Variants in SMARCB1 observed in about 807,000 individuals in gnomAD.
The protein encoded by SMARCB1 is SWI/SNF-related matrix-associated actin-dependent regulator of chromatin subfamily B member 1.
A neutral mutation model predicts 49.0 loss-of-function variants in SMARCB1; 5 were observed. The ratio of observed to expected loss-of-function variants is 0.10; its 90% CI spans 0.05 to 0.21. SMARCB1 has a LOEUF of 0.21. Ranked by LOEUF, SMARCB1 falls within the 10% of genes least tolerant of loss-of-function variation. The pLI is 1.00. For synonymous variants in SMARCB1, 201 were observed against 200.1 expected (o/e 1.00, Z -0.04); for missense variants, 226 against 509.2 (o/e 0.44, Z 5.35).
In SMARCB1 at chr22:23,833,750, T is replaced by A. The variant is rs2030799919; in HGVS notation, c.1118+47T>A. The A allele has an allele frequency of 3.1e-6, 5 of 1,610,342 alleles. No individual in the cohort carries two copies. In the African/African-American group the frequency reaches 6.7e-5, roughly 22 times the overall value. ...TGGGCTCTGCCCACAGGCACCTGGC[T>A]TTCCAGGCAGAGGCAGGGCCATTGC... On this transcript the variant is annotated intron_variant, in intron 8 of 8. Transcript: ENST00000644036.
intron 1 of SMARCB1, among the ~76,000 whole-genome samples, chr22:23,790,904 C>T (rs948956467): frequency 2.6e-5 from 4 of 151,850 alleles, no homozygotes; most frequent in Non-Finnish European, 5.9e-5. Flanking sequence ...TACTATGTTG[C>T]GTAGATAAAA....
At chr22:23,803,899 C>G (rs1230543379) in intron 5 of SMARCB1, 3 of 238,700 alleles carry the variant, frequency 1.3e-5, no homozygotes, top group African/African-American at 6.6e-5. Flanking sequence ...TCTTCCTGGG[C>G]TTCCAAAGCC....
chr22:23,825,704 C>T, intron 7 of SMARCB1: 1 of 485,484 alleles, frequency 2.1e-6, no homozygotes, highest in East Asian at 3.6e-5. Context: ...CTGCCCCCAC[C>T]ATCCACCATT....
intron 7 of SMARCB1, among the ~76,000 whole-genome samples, chr22:23,827,535 A>G (rs577619173): frequency 1.3e-5 from 2 of 152,324 alleles, no homozygotes; most frequent in East Asian, 3.9e-4. Flanking sequence ...TTCCAGTTGC[A>G]GGGCCTGGGG....
intron 8 of SMARCB1, 130 bp downstream of exon 8, chr22:23,833,833 G>A: frequency 9.3e-7 from 1 of 1,080,774 alleles, no homozygotes; most frequent in Non-Finnish European, 1.4e-6. Flanking sequence ...CTAGAGGCAG[G>A]CAGGCTTCTG....
At position 23,835,269 on chromosome 22, in the gene SMARCB1, A is replaced by G. The variant is rs557579045; in HGVS notation, c.*1089A>G. On this transcript the variant is annotated 3_prime_UTR_variant, in exon 9 of 9. Coordinates refer to ENST00000644036, the MANE Select transcript of SMARCB1 (RefSeq NM_003073.5). Reference sequence around the variant, plus strand: ...CCCCATTCTTCAGAATGGACACAGGATCTGGGAGGGCAGCAAACTGGCTCG... The same window carrying G: ...CCCCATTCTTCAGAATGGACACAGGGTCTGGGAGGGCAGCAAACTGGCTCG... 3.0e-4 allele frequency: 330 copies of G among 1,095,750 alleles called. 1 individual carries two copies. In the African/African-American group the frequency reaches 5.1e-3, roughly 17 times the overall value. The allele number at this position is 1,095,750 out of a possible 1,614,324, so 67.9% of individuals were successfully genotyped here.
intron 5 of SMARCB1, among the ~76,000 whole-genome samples, chr22:23,811,036 C>CAAA (rs56238275): frequency 7.6e-6 from 1 of 131,576 alleles, no homozygotes; most frequent in Admixed American, 7.4e-5. Flanking sequence ...GACTGTGTCT[C>CAAA]AAAAAAAAAA....
At position 23,834,402 on chromosome 22, in the gene SMARCB1, T is replaced by G. The variant is rs2030866072; in HGVS notation, c.*222T>G. ...ACCCTCCCTACCCCTCCCCAGTCTC[T>G]GGGGTCAGGAAGAAACCTTATTTTA... is the stretch of plus-strand genomic sequence containing the variant. On this transcript the variant is annotated 3_prime_UTR_variant, in exon 9 of 9. Transcript: ENST00000644036. 2.4e-5 allele frequency: 16 copies of G among 661,274 alleles called. No individual in the cohort carries two copies. The highest frequency in any genetic ancestry group is 1.7e-4 in the South Asian group (11 of 65,458). The allele number at this position is 661,274 out of a possible 1,614,324, so 41.0% of individuals were successfully genotyped here.
chr22:23,824,922 A>C, intron 6 of SMARCB1: 1 of 498,478 alleles, frequency 2.0e-6, no homozygotes, highest in Non-Finnish European at 3.7e-6. Flanking sequence ...GAAGGTCCCC[A>C]CCAGCACAGG....
At chr22:23,793,781 CTTTTTTTTT>C (rs11413092) in intron 3 of SMARCB1, 93 bp downstream of exon 3, 4 of 776,598 alleles carry the variant, frequency 5.2e-6, no homozygotes, top group Non-Finnish European at 8.1e-6. Flanking sequence ...AATTGAAACA[CTTTTTTTTT>C]TTTTTTTTGA....
rs1291281325 is a variant in SMARCB1, at chr22:23,800,961, G to A, written c.380G>A (p.Arg127Lys). Residue 127 changes from arginine (R) to lysine (K), a missense_variant, in exon 4 of 9, where the codon AGG (arginine) becomes AAG (lysine). Physicochemically the swap from Arg to Lys is conservative, Grantham distance 26. Transcript: ENST00000644036. Reference protein sequence around the residue: ...PTYLREQKAKRNSQWVPTLPN... With the variant: ...PTYLREQKAKKNSQWVPTLPN... ...CTCCTCAGGGAACAGAAGGCCAAGA[G>A]GAACAGCCAGTGGGTACCCACCCTG... The A allele has an allele frequency of 6.2e-7, 1 of 1,613,870 alleles. No homozygotes were observed. Among genetic ancestry groups the A allele is most frequent in the Non-Finnish European group, 8.5e-7 (1 of 1,179,862 alleles).
Position 23,837,711 on chromosome 22 carries a change from C to A in SMARCB1, c.*3531C>A. 6.2e-7 allele frequency: 1 copy of A among 1,613,962 alleles called. No individual in the cohort carries two copies. The highest frequency in any genetic ancestry group is 8.5e-7 in the Non-Finnish European group (1 of 1,179,992). ...CCAGCAGCAGCGAGAAGCCCATGAG[C>A]GCCCAAGGCAGGAACGGTGCCTGGA... On this transcript the variant is annotated 3_prime_UTR_variant, in exon 9 of 9. Transcript: ENST00000644036.
intron 1 of SMARCB1, among the ~76,000 whole-genome samples, chr22:23,787,467 C>T (rs920068032): frequency 6.6e-6 from 1 of 152,050 alleles, no homozygotes; most frequent in African/African-American, 2.4e-5. Context: ...ACTTATTTCG[C>T]CGAGGTCCGC....
At chr22:23,811,294 A>G (rs1385298479) in intron 5 of SMARCB1, among the ~76,000 whole-genome samples, 1 of 152,246 alleles carries the variant, frequency 6.6e-6, no homozygotes, top group Non-Finnish European at 1.5e-5. Flanking sequence ...AAACAAATTC[A>G]CAATCATTGG....
intron 8 of SMARCB1, among the ~76,000 whole-genome samples, 180 bp downstream of exon 8, chr22:23,833,883 T>C (rs1309977488): frequency 6.6e-6 from 1 of 152,230 alleles, no homozygotes; most frequent in Admixed American, 6.5e-5. Flanking sequence ...TATGTTTCCC[T>C]GCATGGAACA....
chr22:23,835,292 T>A lies in SMARCB1; in HGVS notation c.*1112T>A, dbSNP rs2030956498. 1 of 1,054,620 alleles carries A rather than the reference T, an allele frequency of 9.5e-7. No homozygotes were observed. The highest frequency in any genetic ancestry group is 5.4e-5 in the Admixed American group (1 of 18,364). The allele number at this position is 1,054,620 out of a possible 1,614,324, so 65.3% of individuals were successfully genotyped here. A position where few individuals can be genotyped will look rare whatever the true frequency, so the allele number is the denominator to read the frequency against. ...GGATCTGGGAGGGCAGCAAACTGGC[T>A]CGCAGCTCCAGCCTTACTGAAGAGA... On this transcript the variant is annotated 3_prime_UTR_variant, in exon 9 of 9. Transcript: ENST00000644036.
At chr22:23,833,789 C>T in intron 8 of SMARCB1, 86 bp downstream of exon 8, 3 of 1,496,068 alleles carry the variant, frequency 2.0e-6, no homozygotes, top group Non-Finnish European at 1.9e-6. Flanking sequence ...TCCCAGTCTC[C>T]CATGGTCTCT....
At chr22:23,805,014 T>C (rs1386853080) in intron 5 of SMARCB1, among the ~76,000 whole-genome samples, 1 of 152,216 alleles carries the variant, frequency 6.6e-6, no homozygotes, top group African/African-American at 2.4e-5. Context: ...GTTGTTGATA[T>C]GTGGCTGCCT....
chr22:23,836,873 T>C lies in SMARCB1; in HGVS notation c.*2693T>C. On this transcript the variant is annotated 3_prime_UTR_variant, in exon 9 of 9. Coordinates refer to ENST00000644036, the MANE Select transcript of SMARCB1 (RefSeq NM_003073.5). Reference sequence around the variant, plus strand: ...AGGCCTGGCCCTGGGTGGGGGTCACTGCTGCGGGGGTGGCAGATGGGGTCC... The same window carrying C: ...AGGCCTGGCCCTGGGTGGGGGTCACCGCTGCGGGGGTGGCAGATGGGGTCC... 4 of 1,468,314 alleles carry C rather than the reference T, an allele frequency of 2.7e-6. No homozygotes were observed. The highest frequency in any genetic ancestry group is 3.6e-6 in the Non-Finnish European group (4 of 1,108,154). 91.0% of individuals were successfully genotyped at this position (1,468,314 alleles called of 1,614,324 possible). A position where few individuals can be genotyped will look rare whatever the true frequency, so the allele number is the denominator to read the frequency against.
Sources: gnomAD v4.1 joint callset for allele counts (sites outside exome capture counted in the v4.1 genomes callset) on GRCh38, gnomAD v4.1.1 for gene constraint, MANE v1.5 for transcripts, NCBI Gene and HGNC (gene_info 2026-07-23, HGNC 2026-07-21) for gene names.